Variants in AAMDC observed in about 807,000 individuals in gnomAD.
AAMDC encodes the protein mth938 domain-containing protein.
Under a neutral mutation model 15.5 loss-of-function variants are expected in AAMDC, and 16 were observed. That is an observed-to-expected ratio of 1.03 (90% confidence interval 0.70 to 1.57). AAMDC has a LOEUF of 1.57. AAMDC is among the 40% of genes most tolerant of loss of function. The probability of loss-of-function intolerance (pLI) is 0.00; values close to 1 mark genes in which losing one functional copy is unlikely to be tolerated. For missense variants in AAMDC, 141 were observed against 144.9 expected, an observed-to-expected ratio of 0.97 and a Z score of 0.14; for synonymous variants, 51 against 51.6, an observed-to-expected ratio of 0.99 and a Z score of 0.05.
At chr11:77,829,185 G>C (rs1318685058) in intron 1 of AAMDC, among the ~76,000 whole-genome samples, 1 of 134,110 alleles carries the variant, frequency 7.5e-6, no homozygotes, top group East Asian at 2.0e-4. Context: ...CAGAAATAGA[G>C]AGAGAGCTCT....
In AAMDC at chr11:77,869,558, C is replaced by T. The variant is rs113456574; in HGVS notation, c.133-164C>T. The T allele has an allele frequency of 3.1e-5, 18 of 579,644 alleles. 1 individual carries two copies. The Middle Eastern group carries it at 9.2e-4, about 30-fold the overall frequency. 35.9% of individuals were successfully genotyped at this position (579,644 alleles called of 1,614,324 possible). A position where few individuals can be genotyped will look rare whatever the true frequency, so the allele number is the denominator to read the frequency against. ...TCTTGAACTCCTAGGTTCAAGGGAT[C>T]CTGCCTCGTCAGCCTTCCTAAGTGC... is the stretch of plus-strand genomic sequence containing the variant. On this transcript the variant is annotated intron_variant, in intron 2 of 3. Transcript: ENST00000393427.
intron 5 of AAMDC, among the ~76,000 whole-genome samples, chr11:77,895,557 A>T (rs1036870241): frequency 1.7e-5 from 2 of 117,408 alleles, no homozygotes; most frequent in African/African-American, 6.5e-5. Flanking sequence ...AAAAAAAAAA[A>T]GTAGCACTTG....
chr11:77,821,973 A>G (rs1226083128), intron 1 of AAMDC, among the ~76,000 whole-genome samples: 7 of 152,176 alleles, frequency 4.6e-5, no homozygotes, highest in Non-Finnish European at 1.5e-5. Flanking sequence ...GATAAATCAC[A>G]GTAAAGTGAT....
intron 1 of AAMDC, among the ~76,000 whole-genome samples, chr11:77,836,485 A>G (rs1291223772): frequency 6.6e-6 from 1 of 152,152 alleles, no homozygotes; most frequent in Non-Finnish European, 1.5e-5. Flanking sequence ...AACCAATCCT[A>G]TTGGCACCTT....
chr11:77,858,144 G>A (rs1376150501), intron 2 of AAMDC, among the ~76,000 whole-genome samples: 2 of 150,428 alleles, frequency 1.3e-5, no homozygotes, highest in Non-Finnish European at 3.0e-5. Context: ...TCAGCCTCCT[G>A]AGTAGCTGAG....
intron 5 of AAMDC, chr11:77,883,756 T>C: frequency 6.6e-7 from 1 of 1,508,448 alleles, no homozygotes; most frequent in Non-Finnish European, 9.0e-7. Context: ...TTTCAAACTT[T>C]AAAAACCAAA....
chr11:77,843,458 C>T (rs1251648144), intron 2 of AAMDC, among the ~76,000 whole-genome samples: 4 of 152,148 alleles, frequency 2.6e-5, no homozygotes, highest in Non-Finnish European at 5.9e-5. Flanking sequence ...AGCCTTCCAG[C>T]TAGATGCTGA....
chr11:77,838,334 C>T (rs1949782293), intron 1 of AAMDC, among the ~76,000 whole-genome samples: 1 of 152,166 alleles, frequency 6.6e-6, no homozygotes, highest in Non-Finnish European at 1.5e-5. Context: ...CATCTACAGT[C>T]AGTAGACTAG....
chr11:77,835,644 C>T (rs544327733), intron 1 of AAMDC, among the ~76,000 whole-genome samples: 1 of 152,286 alleles, frequency 6.6e-6, no homozygotes, highest in South Asian at 2.1e-4. Context: ...TGGGGCCAGG[C>T]GTGGTGGCTC....
intron 2 of AAMDC, among the ~76,000 whole-genome samples, chr11:77,852,904 C>T (rs1208226490): frequency 6.6e-6 from 1 of 152,036 alleles, no homozygotes; most frequent in Non-Finnish European, 1.5e-5. Context: ...TAGTAACCAA[C>T]TTTGTGAATG....
intron 1 of AAMDC, among the ~76,000 whole-genome samples, chr11:77,841,606 T>A (rs899869943): frequency 6.6e-6 from 1 of 152,308 alleles, no homozygotes; most frequent in Admixed American, 6.5e-5. Context: ...TTCTTGCTTA[T>A]CCACTGTGTA....
At chr11:77,878,984 T>C (rs750284357) in intron 5 of AAMDC, 3 of 1,614,092 alleles carry the variant, frequency 1.9e-6, no homozygotes, top group Non-Finnish European at 2.5e-6. Context: ...ATATAAACTT[T>C]TACAGGCTTG....
intron 1 of AAMDC, among the ~76,000 whole-genome samples, chr11:77,823,621 CAAAAAAAAAAA>C (rs397970373): frequency 2.0e-5 from 2 of 97,658 alleles, no homozygotes; most frequent in African/African-American, 8.2e-5. Context: ...CACCCTGTCT[CAAAAAAAAAAA>C]AAAAAAAAAA....
chr11:77,874,677 A>C (rs1951550271), downstream of AAMDC, among the ~76,000 whole-genome samples: 1 of 152,090 alleles, frequency 6.6e-6, no homozygotes, highest in Non-Finnish European at 1.5e-5. Context: ...AAAGCCTCTG[A>C]GTTAGTTTGT....
intron 1 of AAMDC, among the ~76,000 whole-genome samples, chr11:77,831,682 T>C (rs1262463028): frequency 6.6e-6 from 1 of 150,710 alleles, no homozygotes; most frequent in East Asian, 2.0e-4. Context: ...ACCTTTCACA[T>C]TACTTAGGTA....
At chr11:77,844,838 A>G (rs989523778) in intron 2 of AAMDC, among the ~76,000 whole-genome samples, 6 of 152,186 alleles carry the variant, frequency 3.9e-5, no homozygotes, top group African/African-American at 1.4e-4. Context: ...TGATGTAATG[A>G]TGGAAGTAGA....
chr11:77,878,810 G>A, intron 5 of AAMDC: 1 of 759,764 alleles, frequency 1.3e-6, no homozygotes, highest in Non-Finnish European at 2.4e-6. Flanking sequence ...TTTATCCTGT[G>A]TTTGATACCA....
In AAMDC at chr11:77,827,035, G is replaced by A. The variant is rs1220801937; in HGVS notation, c.-19+5794G>A. Among the ~76,000 whole-genome samples the A allele has an allele frequency of 2.0e-5, 3 of 152,236 alleles. No homozygotes were observed. The East Asian group carries it at 5.8e-4, about 29-fold the overall frequency. On this transcript the variant is annotated intron_variant, in intron 1 of 3. Coordinates refer to ENST00000393427, the MANE Select transcript of AAMDC (RefSeq NM_024684.4). ...CAGGAGAATCACTTGAACCCAGGAG[G>A]CAGAGGTTGCAGTGAGCTGAGATGG...
At chr11:77,863,667 G>A (rs952903116) in intron 2 of AAMDC, among the ~76,000 whole-genome samples, 2 of 152,124 alleles carry the variant, frequency 1.3e-5, no homozygotes, top group African/African-American at 4.8e-5. Context: ...GGGATTGTAG[G>A]CATAAGCCAC....
Sources: allele counts gnomAD v4.1 joint callset (sites outside exome capture counted in the v4.1 genomes callset), GRCh38; gene constraint gnomAD v4.1.1; transcripts MANE v1.5; gene names NCBI Gene and HGNC (gene_info 2026-07-23, HGNC 2026-07-21).